The following BHLHE41 variants were observed in gnomAD, a reference collection of about 807,000 sequenced individuals.
BHLHE41 encodes class E basic helix-loop-helix protein 41.
BHLHE41 carries 14 observed loss-of-function variants against 24.0 expected under a neutral mutation model. The observed-to-expected ratio is 0.58, with a 90% CI of 0.39 to 0.91. The LOEUF is 0.91. BHLHE41 is among the 40% of genes least tolerant of loss of function. The pLI, the probability that BHLHE41 is intolerant of heterozygous loss-of-function variation, is 0.00. For missense variants in BHLHE41, 674 were observed against 655.4 expected, an observed-to-expected ratio of 1.03 and a Z score of -0.31; for synonymous variants, 394 against 315.5, an observed-to-expected ratio of 1.25 and a Z score of -2.64.
Position 26,122,782 on chromosome 12 carries a change from C to A in BHLHE41, c.733G>T (p.Glu245Ter). The change falls in exon 5 of 5, where the codon GAA becomes TAA. Residue 245 changes from glutamate (E) to a stop codon, truncating the protein, a stop_gained. Transcript: ENST00000242728. LOFTEE classifies it low-confidence loss of function (END_TRUNC). ...DTDTDSGYGG[E>*]AEARPDREKG... Reference sequence around the variant, plus strand: ...TCGCGGTCCGGCCGGGCCTCGGCTTCGCCGCCGTAGCCGCTGTCGGTGTCC... The same window carrying A: ...TCGCGGTCCGGCCGGGCCTCGGCTTAGCCGCCGTAGCCGCTGTCGGTGTCC... The A allele has an allele frequency of 6.3e-7, 1 of 1,585,872 alleles. No homozygotes were observed. The highest frequency in any genetic ancestry group is 8.5e-7 in the Non-Finnish European group (1 of 1,172,762).
chr12:26,121,762 A>T lies in BHLHE41; in HGVS notation c.*304T>A, dbSNP rs1354667784. 6.4e-6 allele frequency: 3 copies of T among 468,732 alleles called. No homozygotes were observed. The allele number at this position is 468,732 out of a possible 1,614,324, so 29.0% of individuals were successfully genotyped here. ...TGGAACATGGCCTAAAAGGGGGCAAAATTTATTTGGGGGATTAAAAAAAAG... is the reference window on the plus strand; with the variant it reads ...TGGAACATGGCCTAAAAGGGGGCAATATTTATTTGGGGGATTAAAAAAAAG... On this transcript the variant is annotated 3_prime_UTR_variant, in exon 5 of 5. Coordinates refer to ENST00000242728, the MANE Select transcript of BHLHE41 (RefSeq NM_030762.3).
chr12:26,123,508 A>C, intron 4 of BHLHE41, 122 bp downstream of exon 4: 1 of 802,340 alleles, frequency 1.2e-6, no homozygotes, highest in South Asian at 1.4e-5. Flanking sequence ...CAATTTAACA[A>C]ATGAGAGGGA....
Position 26,122,791 on chromosome 12 carries a change from A to G in BHLHE41, c.724T>C (p.Tyr242His). 1.9e-6 allele frequency: 3 copies of G among 1,591,494 alleles called. No homozygotes were observed. Among genetic ancestry groups the G allele is most frequent in the Non-Finnish European group, 2.6e-6 (3 of 1,174,588 alleles). ...AENDTDTDSGYGGEAEARPDR... is the reference protein window; with the variant it reads ...AENDTDTDSGHGGEAEARPDR... Reference sequence around the variant, plus strand: ...GGCCGGGCCTCGGCTTCGCCGCCGTAGCCGCTGTCGGTGTCCGTGTCGTTC... The same window carrying G: ...GGCCGGGCCTCGGCTTCGCCGCCGTGGCCGCTGTCGGTGTCCGTGTCGTTC... Residue 242 changes from tyrosine to histidine, a missense_variant, in exon 5 of 5, where the codon TAC becomes CAC. Transcript: ENST00000242728.
At position 26,124,571 on chromosome 12, in the gene BHLHE41, G is replaced by T; in HGVS notation, c.74C>A (p.Ser25Tyr). ...TTTGGGTTTACACATATACAAAGAG[G>T]AATAGTCCAGTCTGCAAAACAGAAA... Reference protein sequence around the residue: ...EHRDFIGLDYSSLYMCKPKRS... With the variant: ...EHRDFIGLDYYSLYMCKPKRS... Residue 25 changes from serine to tyrosine, a missense_variant, in exon 2 of 5, where the codon TCC becomes TAC. Transcript: ENST00000242728. The T allele has an allele frequency of 6.2e-7, 1 of 1,614,172 alleles. No individual in the cohort carries two copies. Among genetic ancestry groups the T allele is most frequent in the Non-Finnish European group, 8.5e-7 (1 of 1,180,036 alleles).
Position 26,121,740 on chromosome 12 carries a change from A to G in BHLHE41, c.*326T>C. ...AGGTTCCAATTTTAAGAGATAATGG[A>G]ACATGGCCTAAAAGGGGGCAAAATT... On this transcript the variant is annotated 3_prime_UTR_variant, in exon 5 of 5. Coordinates refer to ENST00000242728, the MANE Select transcript of BHLHE41 (RefSeq NM_030762.3). The G allele has an allele frequency of 2.8e-6, 1 of 355,158 alleles. No homozygotes were observed. Among genetic ancestry groups the G allele is most frequent in the South Asian group, 2.6e-5 (1 of 37,872 alleles). 22.0% of individuals were successfully genotyped at this position (355,158 alleles called of 1,614,324 possible).
rs1273416472 is a variant in BHLHE41 at position 26,120,224 on chromosome 12, CATTAT to C, written c.*1837_*1841del. ...GATATCTTAAAACTAATTGAGCATC[CATTAT>C]GTCTTTTTTAATTATTAGACAATAT... On this transcript the variant is annotated 3_prime_UTR_variant, in exon 5 of 5. Coordinates refer to ENST00000242728, the MANE Select transcript of BHLHE41 (RefSeq NM_030762.3). 1 of 152,496 alleles carries C rather than the reference CATTAT, an allele frequency of 6.6e-6. No homozygotes were observed. Among genetic ancestry groups the C allele is most frequent in the Non-Finnish European group, 1.5e-5 (1 of 68,022 alleles). The allele number at this position is 152,496 out of a possible 1,614,324, so 9.4% of individuals were successfully genotyped here.
At position 26,122,609 on chromosome 12, in the gene BHLHE41, G is replaced by GGCT. The variant is rs1413876711; in HGVS notation, c.903_905dup (p.Ala303dup). The GGCT allele has an allele frequency of 2.6e-6, 3 of 1,133,042 alleles. No homozygotes were observed. The highest frequency in any genetic ancestry group is 3.2e-6 in the Non-Finnish European group (3 of 929,980). 70.2% of individuals were successfully genotyped at this position (1,133,042 alleles called of 1,614,324 possible). On this transcript the variant is annotated inframe_insertion, in exon 5 of 5. Coordinates refer to ENST00000242728, the MANE Select transcript of BHLHE41 (RefSeq NM_030762.3). ...CGGCAGGGTCGGGCCCCAGAAGCGC[G>GGCT]GCTGCCGCCGCCGCCGCGCCGCCCC...
At chr12:26,123,588 C>T in intron 4 of BHLHE41, 42 bp downstream of exon 4, 1 of 1,421,838 alleles carries the variant, frequency 7.0e-7, no homozygotes, top group Non-Finnish European at 1.0e-6. Flanking sequence ...TGTGGGCTGC[C>T]CCGCTTCATC....
chr12:26,122,771 G>A lies in BHLHE41; in HGVS notation c.744C>T (p.Ala248=). The change falls in exon 5 of 5, where the codon GCC becomes GCT. Residue 248 remains alanine, a synonymous_variant. Transcript: ENST00000242728. ...CTTTGCCTTTCTCGCGGTCCGGCCGGGCCTCGGCTTCGCCGCCGTAGCCGC... is the reference window on the plus strand; with the variant it reads ...CTTTGCCTTTCTCGCGGTCCGGCCGAGCCTCGGCTTCGCCGCCGTAGCCGC... The part of the protein sequence containing the change: ...TDSGYGGEAE[A]RPDREKGKGA... 6.3e-7 allele frequency: 1 copy of A among 1,591,230 alleles called. No individual in the cohort carries two copies. The highest frequency in any genetic ancestry group is 8.5e-7 in the Non-Finnish European group (1 of 1,174,814).
At position 26,122,865 on chromosome 12, in the gene BHLHE41, C is replaced by G. The variant is rs1565664864; in HGVS notation, c.650G>C (p.Cys217Ser). The G allele has an allele frequency of 6.4e-7, 1 of 1,563,370 alleles. No individual in the cohort carries two copies. The highest frequency in any genetic ancestry group is 1.2e-5 in the South Asian group (1 of 85,250). The change falls in exon 5 of 5, where the codon TGC becomes TCC. Residue 217 changes from cysteine (C) to serine (S), a missense_variant. Cys to Ser is a moderately radical substitution (Grantham distance 112). Transcript: ENST00000242728. ...CTGAGTCCGCTGGATGACGGGCACG[C>G]AGTAGGCGAGGGGCTCCAGCTTCTG... ...AGQKLEPLAYCVPVIQRTQPS... is the reference protein window; with the variant it reads ...AGQKLEPLAYSVPVIQRTQPS...
chr12:26,122,887 T>G lies in BHLHE41; in HGVS notation c.628A>C (p.Lys210Gln). 6.4e-7 allele frequency: 1 copy of G among 1,552,224 alleles called. No homozygotes were observed. The highest frequency in any genetic ancestry group is 8.7e-7 in the Non-Finnish European group (1 of 1,148,430). The change falls in exon 5 of 5, where the codon AAG (lysine) becomes CAG (glutamine). Residue 210 changes from lysine to glutamine, a missense_variant. Around this residue, in one of 3 missense-constraint regions of BHLHE41, gnomAD observed 602 missense variants for 570.8 expected, o/e 1.05. Transcript: ENST00000242728. The stretch of plus-strand genomic sequence containing the variant: ...ACGCAGTAGGCGAGGGGCTCCAGCT[T>G]CTGCCCCGCGCGCTCCAGGCAGGGG... ...AAPCLERAGQKLEPLAYCVPV... is the reference protein window; with the variant it reads ...AAPCLERAGQQLEPLAYCVPV...
intron 2 of BHLHE41, 62 bp downstream of exon 2, chr12:26,124,457 A>T: frequency 6.5e-7 from 1 of 1,539,280 alleles, no homozygotes; most frequent in African/African-American, 1.4e-5. Flanking sequence ...TTCACTGTGA[A>T]ATCAATGGCT....
In BHLHE41 at chr12:26,121,878, A is replaced by G; in HGVS notation, c.*188T>C. The G allele has an allele frequency of 6.9e-7, 1 of 1,459,640 alleles. No individual in the cohort carries two copies. The highest frequency in any genetic ancestry group is 2.6e-5 in the East Asian group (1 of 37,746). The allele number at this position is 1,459,640 out of a possible 1,614,324, so 90.4% of individuals were successfully genotyped here. ...GAGGGTGGGGTGGTGCGGGATGAGC[A>G]AAACAGGAACTCCGAATGTACACAT... On this transcript the variant is annotated 3_prime_UTR_variant, in exon 5 of 5. Transcript: ENST00000242728.
rs1344744621 is a variant in BHLHE41 at position 26,122,637 on chromosome 12, G to A, written c.878C>T (p.Pro293Leu). 4.6e-6 allele frequency: 6 copies of A among 1,291,890 alleles called. No homozygotes were observed. The African/African-American group carries it at 6.2e-5, about 13-fold the overall frequency. The allele number at this position is 1,291,890 out of a possible 1,614,324, so 80.0% of individuals were successfully genotyped here. The change falls in exon 5 of 5, where the codon CCG becomes CTG. Residue 293 changes from proline to leucine, a missense_variant. Transcript: ENST00000242728. Reference sequence around the variant, plus strand: ...TGCCGCCGCCGCCGCGCCGCCCCCCGGGCCGCCGCCGCTGCCGCCGCCGCG... The same window carrying A: ...TGCCGCCGCCGCCGCGCCGCCCCCCAGGCCGCCGCCGCTGCCGCCGCCGCG... ...DSRGGGSGGG[P>L]GGGAAAAAAA...
Position 26,122,113 on chromosome 12 carries a change from T to C in BHLHE41, c.1402A>G (p.Ser468Gly), listed in dbSNP as rs777045203. Reference sequence around the variant, plus strand: ...TGCGAGGGATCTTCCTGAGCAGAGCTCTCCGGGTTCCCCGGCTCGCGGGGC... The same window carrying C: ...TGCGAGGGATCTTCCTGAGCAGAGCCCTCCGGGTTCCCCGGCTCGCGGGGC... Reference protein sequence around the residue: ...AGPREPGNPESSAQEDPSQPG... With the variant: ...AGPREPGNPEGSAQEDPSQPG... The change falls in exon 5 of 5, where the codon AGC (serine) becomes GGC (glycine). Residue 468 changes from serine to glycine, a missense_variant. Ser to Gly is a moderately conservative substitution (Grantham distance 56). Around this residue, in one of 3 missense-constraint regions of BHLHE41, gnomAD observed 602 missense variants for 570.8 expected, o/e 1.05. Transcript: ENST00000242728. 7 of 1,549,182 alleles carry C rather than the reference T, an allele frequency of 4.5e-6. No homozygotes were observed. In the African/African-American group the frequency reaches 9.6e-5, roughly 21 times the overall value.
At chr12:26,124,219 C>T (rs1456949616) in intron 2 of BHLHE41, 40 bp from the exon 3 acceptor site, 8 of 1,322,148 alleles carry the variant, frequency 6.1e-6, no homozygotes, top group Non-Finnish European at 7.6e-6. Flanking sequence ...AAACAGTAAG[C>T]GAAACATTCA....
intron 2 of BHLHE41, 101 bp from the exon 3 acceptor site, chr12:26,124,280 A>G (rs1944342917): frequency 9.5e-6 from 5 of 528,250 alleles, no homozygotes; most frequent in Non-Finnish European, 1.3e-5. Context: ...ACCATAAAAC[A>G]TACTATGTGA....
At chr12:26,123,323 C>T (rs908848763) in intron 4 of BHLHE41, among the ~76,000 whole-genome samples, 155 bp from the exon 5 acceptor site, 29 of 152,218 alleles carry the variant, frequency 1.9e-4, no homozygotes, top group African/African-American at 6.5e-4. Flanking sequence ...CACCAGTTGA[C>T]GAGAGAAGCG....
chr12:26,124,253 G>GCCTCCC, intron 2 of BHLHE41, 74 bp from the exon 3 acceptor site: 1 of 785,906 alleles, frequency 1.3e-6, no homozygotes, highest in Non-Finnish European at 2.1e-6. Flanking sequence ...ACCCTCGTCT[G>GCCTCCC]CCCCCCCCGC....
Sources: gnomAD v4.1 joint callset for allele counts (sites outside exome capture counted in the v4.1 genomes callset) on GRCh38, gnomAD v4.1.1 for gene constraint, gnomAD v4.1.1 regional missense constraint, MANE v1.5 for transcripts, NCBI Gene and HGNC (gene_info 2026-07-23, HGNC 2026-07-21) for gene names.